Variants in SH3RF3 observed in about 807,000 individuals in gnomAD.
SH3RF3 encodes E3 ubiquitin-protein ligase SH3RF3.
A neutral mutation model predicts 66.3 loss-of-function variants in SH3RF3; 29 were observed. The observed-to-expected ratio is 0.44, with a 90% confidence interval of 0.33 to 0.60. The LOEUF (loss-of-function observed/expected upper bound fraction) is 0.60. Among genes scored for constraint, SH3RF3 ranks in the 20% least tolerant of loss-of-function variants. The pLI, the probability that SH3RF3 is intolerant of heterozygous loss-of-function variation, is 0.04. For synonymous variants in SH3RF3, 583 were observed against 532.0 expected (o/e 1.10, Z -1.32); for missense variants, 1,194 against 1,190.9 (o/e 1.00, Z -0.04).
chr2:109,188,658 G>T (rs1223621865), intron 1 of SH3RF3, among the ~76,000 whole-genome samples: 10 of 152,204 alleles, frequency 6.6e-5, no homozygotes, highest in Admixed American at 6.5e-5. Context: ...CCGAGGGCTG[G>T]AATGCAAAGC....
intron 1 of SH3RF3, among the ~76,000 whole-genome samples, chr2:109,149,705 C>T (rs952602787): frequency 2.0e-4 from 30 of 152,160 alleles, no homozygotes; most frequent in Admixed American, 2.6e-4. Context: ...AGTCTGGCCT[C>T]GTGGTGCTTA....
chr2:109,224,856 CA>C lies in SH3RF3; in HGVS notation c.573+94750del, dbSNP rs1372815744. Among the ~76,000 whole-genome samples, 10 of 151,824 alleles carry C rather than the reference CA, an allele frequency of 6.6e-5. No individual in the cohort carries two copies. In the East Asian group the frequency reaches 1.9e-3, roughly 29 times the overall value. The stretch of plus-strand genomic sequence containing the variant: ...TGGGTGACAGAGCAAGACTCTGTCT[CA>C]AAAAAATTTTTTTTCATTTAATTCT... On this transcript the variant is annotated intron_variant, in intron 1 of 9. Transcript: ENST00000309415.
At chr2:109,366,412 C>T (rs1389923037) in intron 2 of SH3RF3, among the ~76,000 whole-genome samples, 1 of 152,160 alleles carries the variant, frequency 6.6e-6, no homozygotes, top group Non-Finnish European at 1.5e-5. Context: ...TGGAAAAAAG[C>T]AAGATACAGA....
chr2:109,187,593 C>T (rs1390061215), intron 1 of SH3RF3, among the ~76,000 whole-genome samples: 1 of 152,178 alleles, frequency 6.6e-6, no homozygotes, highest in African/African-American at 2.4e-5. Context: ...GCTTTATAGG[C>T]TAGGAGCATA....
chr2:109,429,538 C>T (rs1314169469), intron 5 of SH3RF3, among the ~76,000 whole-genome samples: 1 of 152,138 alleles, frequency 6.6e-6, no homozygotes, highest in African/African-American at 2.4e-5. Flanking sequence ...CCACACCGGG[C>T]CTGTGCTTGG....
intron 2 of SH3RF3, among the ~76,000 whole-genome samples, chr2:109,351,191 C>T (rs899297273): frequency 7.9e-5 from 12 of 152,210 alleles, no homozygotes; most frequent in Non-Finnish European, 1.8e-4. Flanking sequence ...GTGGGCCCAG[C>T]TCTGCCAGCT....
At chr2:109,291,928 A>G (rs1293764821) in intron 1 of SH3RF3, among the ~76,000 whole-genome samples, 1 of 152,212 alleles carries the variant, frequency 6.6e-6, no homozygotes, top group Non-Finnish European at 1.5e-5. Flanking sequence ...CAGTGGCACA[A>G]TCTCGGCTCA....
At chr2:109,443,933 A>G (rs1677640664) in intron 7 of SH3RF3, among the ~76,000 whole-genome samples, 1 of 152,172 alleles carries the variant, frequency 6.6e-6, no homozygotes, top group South Asian at 2.1e-4. Context: ...CAACAGCAAA[A>G]TGCACCTTCT....
intron 8 of SH3RF3, among the ~76,000 whole-genome samples, 154 bp from the exon 9 acceptor site, chr2:109,490,451 A>G (rs1679099754): frequency 6.6e-6 from 1 of 152,226 alleles, no homozygotes; most frequent in Non-Finnish European, 1.5e-5. Context: ...TACTCTGGCT[A>G]CTGCTGTTGC....
At chr2:109,257,103 C>T (rs536115242) in intron 1 of SH3RF3, among the ~76,000 whole-genome samples, 5 of 152,216 alleles carry the variant, frequency 3.3e-5, no homozygotes, top group South Asian at 2.1e-4. Flanking sequence ...CTAGGCAGCC[C>T]GAAAGCCACT....
At chr2:109,493,022 T>TA (rs1679168235) in intron 9 of SH3RF3, among the ~76,000 whole-genome samples, 1 of 148,304 alleles carries the variant, frequency 6.7e-6, no homozygotes, top group East Asian at 2.0e-4. Context: ...TCACCACACA[T>TA]ACACCATACA....
At position 109,129,461 on chromosome 2, in the gene SH3RF3, G is replaced by C. The variant is rs1676623503; in HGVS notation, c.-80G>C. ...CGGCGGAGCCCGGCTCCCCAGTCCT[G>C]ATGCTGGCTGCCGGTGGCGGGCTCC... is the stretch of plus-strand genomic sequence containing the variant. On this transcript the variant is annotated 5_prime_UTR_variant, in exon 1 of 10. Coordinates refer to ENST00000309415, the MANE Select transcript of SH3RF3 (RefSeq NM_001099289.3). 6.7e-7 allele frequency: 1 copy of C among 1,495,696 alleles called. No individual in the cohort carries two copies. Among genetic ancestry groups the C allele is most frequent in the South Asian group, 1.2e-5 (1 of 80,494 alleles). The allele number at this position is 1,495,696 out of a possible 1,614,324, so 92.7% of individuals were successfully genotyped here.
intron 1 of SH3RF3, among the ~76,000 whole-genome samples, chr2:109,227,939 A>G (rs1679410183): frequency 6.6e-6 from 1 of 152,236 alleles, no homozygotes; most frequent in Non-Finnish European, 1.5e-5. Flanking sequence ...TTTCCCAAAC[A>G]AACGTGCATT....
intron 1 of SH3RF3, among the ~76,000 whole-genome samples, chr2:109,151,269 T>C (rs1677219724): frequency 6.6e-6 from 1 of 152,218 alleles, no homozygotes; most frequent in South Asian, 2.1e-4. Context: ...TGGGGCTCCA[T>C]GTTTGTGGCC....
intron 5 of SH3RF3, among the ~76,000 whole-genome samples, chr2:109,421,759 G>A (rs1353772237): frequency 6.6e-6 from 1 of 152,198 alleles, no homozygotes; most frequent in Admixed American, 6.5e-5. Context: ...AAGGATTTAG[G>A]TAGGAATGTG....
chr2:109,168,372 T>C (rs1056074223), intron 1 of SH3RF3, among the ~76,000 whole-genome samples: 2 of 151,408 alleles, frequency 1.3e-5, no homozygotes, highest in African/African-American at 4.9e-5. Flanking sequence ...CTATCAGGAG[T>C]GAGATGAATG....
chr2:109,408,121 C>G (rs1162750463), intron 4 of SH3RF3, among the ~76,000 whole-genome samples: 1 of 152,170 alleles, frequency 6.6e-6, no homozygotes, highest in Non-Finnish European at 1.5e-5. Flanking sequence ...CTCCCTTGTC[C>G]TAGCAGCTGT....
intron 8 of SH3RF3, among the ~76,000 whole-genome samples, chr2:109,485,239 G>A (rs1573290767): frequency 9.8e-6 from 1 of 102,152 alleles, no homozygotes; most frequent in Non-Finnish European, 2.4e-5. Context: ...TGAAAGAAGT[G>A]GTGGGACAGC....
intron 2 of SH3RF3, among the ~76,000 whole-genome samples, chr2:109,366,771 T>A (rs2105656513): frequency 6.6e-6 from 1 of 152,306 alleles, no homozygotes; most frequent in South Asian, 2.1e-4. Context: ...GAGGACCACT[T>A]GCGCCTGGAA....
Sources: allele counts gnomAD v4.1 joint callset (sites outside exome capture counted in the v4.1 genomes callset), GRCh38; gene constraint gnomAD v4.1.1; transcripts MANE v1.5; gene names NCBI Gene and HGNC (gene_info 2026-07-23, HGNC 2026-07-21).